NRXN1: variants seen among roughly 807,000 people sequenced by gnomAD.
The protein encoded by NRXN1 is neurexin 1.
A neutral mutation model predicts 150.9 loss-of-function variants in NRXN1; 39 were observed. That is an observed-to-expected ratio of 0.26 (90% confidence interval 0.20 to 0.34). NRXN1 has a LOEUF of 0.34. Ranked by LOEUF, NRXN1 falls within the 10% of genes least tolerant of loss-of-function variation. The probability of loss-of-function intolerance (pLI) is 1.00; values close to 1 mark genes in which losing one functional copy is unlikely to be tolerated. For synonymous variants in NRXN1, 924 were observed against 757.0 expected (o/e 1.22, Z -3.62); for missense variants, 1,815 against 1,949.9 (o/e 0.93, Z 1.30).
chr2:50,599,105 A>G lies in NRXN1; in HGVS notation c.1320+20917T>C, dbSNP rs566339042. On this transcript the variant is annotated intron_variant, in intron 8 of 22. Coordinates refer to ENST00000401669, the MANE Select transcript of NRXN1 (RefSeq NM_001330078.2). ...TATTTCTTTTAAAGATACATCAACT[A>G]CCTCATTTAACACTCACAAAAACCG... Among the ~76,000 whole-genome samples the G allele has an allele frequency of 3.9e-4, 59 of 152,076 alleles. No individual in the cohort carries two copies. In the Middle Eastern group the frequency reaches 0.027, roughly 71 times the overall value.
At chr2:50,180,058 TCC>T (rs1266994003) in intron 18 of NRXN1, among the ~76,000 whole-genome samples, 9 of 152,236 alleles carry the variant, frequency 5.9e-5, no homozygotes, top group African/African-American at 2.2e-4. Flanking sequence ...CACTCTGTTG[TCC>T]AGGCTGGCTG....
At chr2:50,575,278 AAATG>A (rs1400259755) in intron 8 of NRXN1, among the ~76,000 whole-genome samples, 8 of 152,198 alleles carry the variant, frequency 5.3e-5, no homozygotes, top group Admixed American at 5.2e-4. Flanking sequence ...GTGTGACACA[AAATG>A]AATGAAGTTT....
At chr2:50,987,674 T>C (rs922308127) in intron 2 of NRXN1, among the ~76,000 whole-genome samples, 1 of 151,964 alleles carries the variant, frequency 6.6e-6, no homozygotes, top group African/African-American at 2.4e-5. Flanking sequence ...CAGCTTCTAA[T>C]AAAGGATGCA....
chr2:50,694,452 T>C (rs1257429650), intron 5 of NRXN1, among the ~76,000 whole-genome samples: 5 of 152,188 alleles, frequency 3.3e-5, no homozygotes, highest in Admixed American at 3.3e-4. Flanking sequence ...ATGTAAATAA[T>C]AAAACTCCTT....
chr2:50,731,342 T>C (rs1698076340), intron 5 of NRXN1, among the ~76,000 whole-genome samples: 2 of 152,338 alleles, frequency 1.3e-5, no homozygotes, highest in Non-Finnish European at 2.9e-5. Flanking sequence ...AAGTCAAAAA[T>C]AAGTTTATTC....
intron 17 of NRXN1, among the ~76,000 whole-genome samples, chr2:50,463,527 T>A (rs2104628922): frequency 6.6e-6 from 1 of 151,900 alleles, no homozygotes; most frequent in South Asian, 2.1e-4. Context: ...ATTTATTGAA[T>A]GACATTTACC....
At chr2:50,815,650 G>A (rs1465749647) in intron 5 of NRXN1, among the ~76,000 whole-genome samples, 5 of 152,030 alleles carry the variant, frequency 3.3e-5, no homozygotes, top group African/African-American at 4.8e-5. Context: ...ATAGATTAAA[G>A]TGGTCAGGAC....
At chr2:50,137,319 G>C (rs1312959263) in intron 18 of NRXN1, among the ~76,000 whole-genome samples, 2 of 152,062 alleles carry the variant, frequency 1.3e-5, no homozygotes, top group Admixed American at 1.3e-4. Context: ...CTCTTAGTTG[G>C]TGAGCATCTG....
chr2:50,827,996 C>T (rs9751924), intron 5 of NRXN1, among the ~76,000 whole-genome samples: 67,458 of 135,792 alleles, frequency 0.5, 18,983 homozygotes, highest in Non-Finnish European at 0.64. Context: ...AAGTCTCCCA[C>T]GTCTACTTCT....
intron 17 of NRXN1, among the ~76,000 whole-genome samples, chr2:50,393,008 G>A (rs1301795470): frequency 1.3e-5 from 2 of 151,822 alleles, no homozygotes; most frequent in South Asian, 2.1e-4. Context: ...AAACATTCCC[G>A]GGAAAGAAGA....
chr2:50,275,737 G>T (rs1378589250), intron 17 of NRXN1, among the ~76,000 whole-genome samples: 1 of 151,978 alleles, frequency 6.6e-6, no homozygotes, highest in African/African-American at 2.4e-5. Context: ...TTATGTTTAG[G>T]TAAATGTGGA....
At chr2:50,770,253 A>G (rs956326747) in intron 5 of NRXN1, among the ~76,000 whole-genome samples, 3 of 152,144 alleles carry the variant, frequency 2.0e-5, no homozygotes, top group African/African-American at 7.2e-5. Context: ...CTTTAGTGAA[A>G]GAAATTTTTA....
intron 5 of NRXN1, among the ~76,000 whole-genome samples, chr2:50,787,416 G>A (rs1705279935): frequency 6.6e-6 from 1 of 151,758 alleles, no homozygotes; most frequent in African/African-American, 2.4e-5. Context: ...CAATAAATTA[G>A]CCAAGCATGT....
intron 18 of NRXN1, among the ~76,000 whole-genome samples, chr2:50,110,491 C>CAAA (rs5831088): frequency 3.4e-3 from 293 of 85,130 alleles, no homozygotes; most frequent in Middle Eastern, 6.6e-3. Context: ...GACTCTGTCT[C>CAAA]AAAAAAAAAA....
At chr2:50,006,857 G>A (rs1299942751) in intron 21 of NRXN1, among the ~76,000 whole-genome samples, 1 of 152,082 alleles carries the variant, frequency 6.6e-6, no homozygotes, top group Non-Finnish European at 1.5e-5. Flanking sequence ...GCCTTAAACA[G>A]TGCAAACACA....
At chr2:50,427,814 T>A (rs531623565) in intron 17 of NRXN1, among the ~76,000 whole-genome samples, 129 of 152,338 alleles carry the variant, frequency 8.5e-4, no homozygotes, top group African/African-American at 3.0e-3. Context: ...AAATTTCATG[T>A]CTTATCCATT....
chr2:49,930,708 T>G (rs896113953), intron 22 of NRXN1, among the ~76,000 whole-genome samples: 5 of 152,228 alleles, frequency 3.3e-5, no homozygotes, highest in African/African-American at 1.2e-4. Context: ...CTCTTTCTTA[T>G]TAGTTCTCTC....
intron 22 of NRXN1, among the ~76,000 whole-genome samples, chr2:49,928,916 G>C (rs919841332): frequency 6.6e-6 from 1 of 152,092 alleles, no homozygotes; most frequent in Non-Finnish European, 1.5e-5. Context: ...GACAAGTCTT[G>C]AGAGAGGACA....
Position 50,641,405 on chromosome 2 carries a change from G to A in NRXN1, c.833-17790C>T, listed in dbSNP as rs557003845. Among the ~76,000 whole-genome samples, 16 of 152,196 alleles carry A rather than the reference G, an allele frequency of 1.1e-4. No homozygotes were observed. The South Asian group carries it at 2.9e-3, about 28-fold the overall frequency. Reference sequence around the variant, plus strand: ...AAGAGTGGGCAGGTGGGTCAAGATTGAATGTCCCTGGCTCTGGCAATACAT... The same window carrying A: ...AAGAGTGGGCAGGTGGGTCAAGATTAAATGTCCCTGGCTCTGGCAATACAT... On this transcript the variant is annotated intron_variant, in intron 5 of 22. Transcript: ENST00000401669.
Sources: gnomAD v4.1 joint callset for allele counts (sites outside exome capture counted in the v4.1 genomes callset) on GRCh38, gnomAD v4.1.1 for gene constraint, MANE v1.5 for transcripts, NCBI Gene and HGNC (gene_info 2026-07-23, HGNC 2026-07-21) for gene names.